The following PCDHGA8 variants were observed in gnomAD, a reference collection of about 807,000 sequenced individuals.
PCDHGA8 encodes protocadherin gamma subfamily A, 8.
In PCDHGA8, 45 loss-of-function variants were observed where a neutral mutation model predicts 59.2. The ratio of observed to expected loss-of-function variants is 0.76; its 90% CI spans 0.60 to 0.98. The LOEUF is 0.98. Ranked by LOEUF, PCDHGA8 falls within the 50% of genes least tolerant of loss-of-function variation. The pLI, the probability that PCDHGA8 is intolerant of heterozygous loss-of-function variation, is 0.00. For missense variants in PCDHGA8, 1,257 were observed against 1,196.2 expected, an observed-to-expected ratio of 1.05 and a Z score of -0.75; for synonymous variants, 531 against 519.0, an observed-to-expected ratio of 1.02 and a Z score of -0.32.
At chr5:141,442,049 C>A in intron 1 of PCDHGA8, 2 of 202,550 alleles carry the variant, frequency 9.9e-6, no homozygotes, top group South Asian at 1.3e-4. Flanking sequence ...GCCTACTGGT[C>A]GCGGTGCACT....
chr5:141,461,334 G>T (rs558562450), intron 1 of PCDHGA8, among the ~76,000 whole-genome samples: 75 of 152,166 alleles, frequency 4.9e-4, no homozygotes, highest in African/African-American at 1.7e-3. Flanking sequence ...GGCCATTCTT[G>T]CAGGACCAAG....
chr5:141,477,438 C>A lies in PCDHGA8; in HGVS notation c.2425-17369C>A, dbSNP rs1386997844. The A allele has an allele frequency of 3.1e-6, 5 of 1,614,174 alleles. No individual in the cohort carries two copies. The Admixed American group carries it at 6.7e-5, about 22-fold the overall frequency. On this transcript the variant is annotated intron_variant, in intron 1 of 3. Coordinates refer to ENST00000398604, the MANE Select transcript of PCDHGA8 (RefSeq NM_032088.2). The surrounding 1 kb of genome is among the most constrained non-coding windows in gnomAD (Gnocchi z 4.9). ...GGAACCCCTTCCCTCTCAGCCCTTA[C>A]AATAGTGCGTGTTCAAGTGTCCGAC...
Position 141,477,140 on chromosome 5 carries a change from G to GT in PCDHGA8, c.2425-17665dup. ...AGCACATTGCAAAGTGTTGGTGGAG[G>GT]TTGTGGATGTGAATGACAACGCCCC... On this transcript the variant is annotated intron_variant, in intron 1 of 3. Transcript: ENST00000398604. The surrounding 1 kb of genome is among the most constrained non-coding windows in gnomAD (Gnocchi z 4.9). 1 of 1,614,220 alleles carries GT rather than the reference G, an allele frequency of 6.2e-7. No homozygotes were observed. Among genetic ancestry groups the GT allele is most frequent in the Non-Finnish European group, 8.5e-7 (1 of 1,180,048 alleles).
chr5:141,481,502 T>G (rs1425241526), intron 1 of PCDHGA8, among the ~76,000 whole-genome samples: 1 of 152,232 alleles, frequency 6.6e-6, no homozygotes, highest in Non-Finnish European at 1.5e-5. Context: ...TTGCATGGTA[T>G]GTGAATTATG....
rs773232677 is a variant in PCDHGA8, at chr5:141,490,388, G to A, written c.2425-4419G>A. 2 of 1,614,206 alleles carry A rather than the reference G, an allele frequency of 1.2e-6. No homozygotes were observed. The highest frequency in any genetic ancestry group is 2.2e-5 in the East Asian group (1 of 44,878). The stretch of plus-strand genomic sequence containing the variant: ...CGAGACCGGGACTCAGGTAGAAATG[G>A]TGAAGTGAGCCTTGATATCTCTCCG... On this transcript the variant is annotated intron_variant, in intron 1 of 3. Transcript: ENST00000398604. The surrounding 1 kb of genome is among the most constrained non-coding windows in gnomAD (Gnocchi z 5.4).
At chr5:141,419,301 T>G in intron 1 of PCDHGA8, 6 of 1,613,998 alleles carry the variant, frequency 3.7e-6, no homozygotes, top group Non-Finnish European at 5.1e-6. Context: ...GACCCAGACT[T>G]CGGGCTCAAC....
At chr5:141,445,118 G>A (rs964726987) in intron 1 of PCDHGA8, among the ~76,000 whole-genome samples, 1 of 152,148 alleles carries the variant, frequency 6.6e-6, no homozygotes, top group Non-Finnish European at 1.5e-5. Flanking sequence ...ATTGTAAATA[G>A]TATTTTTAAA....
intron 3 of PCDHGA8, among the ~76,000 whole-genome samples, chr5:141,509,568 C>T (rs535982453): frequency 3.3e-5 from 5 of 152,336 alleles, no homozygotes; most frequent in Admixed American, 2.0e-4. Flanking sequence ...GCAGCCTTCA[C>T]AGTGCGTACA....
At chr5:141,427,397 T>C (rs944166415) in intron 1 of PCDHGA8, 2 of 460,626 alleles carry the variant, frequency 4.3e-6, no homozygotes, top group South Asian at 1.5e-5. Flanking sequence ...AAACACATGA[T>C]AAAGATTCGA....
intron 3 of PCDHGA8, among the ~76,000 whole-genome samples, chr5:141,509,801 T>C (rs556629445): frequency 2.6e-5 from 4 of 152,140 alleles, no homozygotes; most frequent in South Asian, 2.1e-4. Flanking sequence ...CTCAGCTTCA[T>C]AGAGCCGAGC....
At position 141,394,847 on chromosome 5, in the gene PCDHGA8, G is replaced by T; in HGVS notation, c.2034G>T (p.Leu678=). 6.2e-7 allele frequency: 1 copy of T among 1,613,848 alleles called. No homozygotes were observed. Among genetic ancestry groups the T allele is most frequent in the South Asian group, 1.1e-5 (1 of 91,086 alleles). The change falls in exon 1 of 4, where the codon CTG becomes CTT. Residue 678 remains leucine (L), a synonymous_variant. Transcript: ENST00000398604. The part of the protein sequence containing the change: ...IPEVLTELGS[L]KPSVDPNDSS... ...AAGTCCTGACCGAGTTGGGCAGTCT[G>T]AAGCCTTCGGTCGACCCGAACGATT...
intron 1 of PCDHGA8, among the ~76,000 whole-genome samples, chr5:141,437,781 A>G (rs957126405): frequency 7.3e-5 from 11 of 149,878 alleles, no homozygotes; most frequent in Admixed American, 6.7e-5. Flanking sequence ...ATCTGTCGCC[A>G]AGCTGGAGTG....
chr5:141,433,555 G>C (rs1434189062), intron 1 of PCDHGA8, among the ~76,000 whole-genome samples: 1 of 152,088 alleles, frequency 6.6e-6, no homozygotes, highest in African/African-American at 2.4e-5. Flanking sequence ...TTCTTTTCTG[G>C]CTGGGCGCGG....
chr5:141,447,648 T>A (rs1262852729), intron 1 of PCDHGA8, among the ~76,000 whole-genome samples: 3 of 152,164 alleles, frequency 2.0e-5, no homozygotes, highest in African/African-American at 4.8e-5. Flanking sequence ...ATGGTAGAAT[T>A]TTCCCCCCCA....
chr5:141,509,684 C>G (rs572295300), intron 3 of PCDHGA8, among the ~76,000 whole-genome samples: 139 of 152,310 alleles, frequency 9.1e-4, no homozygotes, highest in Admixed American at 3.7e-3. Flanking sequence ...TTCTTCTGTA[C>G]AGTGGGACGT....
chr5:141,410,598 C>T, intron 1 of PCDHGA8: 2 of 1,608,528 alleles, frequency 1.2e-6, no homozygotes, highest in Non-Finnish European at 1.7e-6. Context: ...GATTTGACTT[C>T]ACATCCTGAG....
rs148798222 is a variant in PCDHGA8, at chr5:141,432,106, G to A, written c.2424+36869G>A. On this transcript the variant is annotated intron_variant, in intron 1 of 3. Coordinates refer to ENST00000398604, the MANE Select transcript of PCDHGA8 (RefSeq NM_032088.2). This position sits in a 1 kb window ranked among gnomAD's most constrained non-coding sequence, Gnocchi z 6.0. The stretch of plus-strand genomic sequence containing the variant: ...ACGTGGCAGACACCAACGACAACCC[G>A]CCGGTCTTCCCTCAGGCCTCCTATT... 4 of 1,614,068 alleles carry A rather than the reference G, an allele frequency of 2.5e-6. No homozygotes were observed. Among genetic ancestry groups the A allele is most frequent in the Non-Finnish European group, 3.4e-6 (4 of 1,180,020 alleles).
intron 1 of PCDHGA8, chr5:141,424,500 G>A (rs2154550788): frequency 6.6e-6 from 1 of 152,208 alleles, no homozygotes; most frequent in African/African-American, 2.4e-5. Flanking sequence ...TGTATGTATG[G>A]AAGGTTTTTT....
At chr5:141,404,167 G>A (rs2094493296) in intron 1 of PCDHGA8, 1 of 1,612,946 alleles carries the variant, frequency 6.2e-7, no homozygotes, top group South Asian at 1.1e-5. Flanking sequence ...ACAGATTGTT[G>A]ACGGCCCAAA....
Sources: gnomAD v4.1 joint callset for allele counts (sites outside exome capture counted in the v4.1 genomes callset) on GRCh38, gnomAD v4.1.1 for gene constraint, Gnocchi (gnomAD v3.1) non-coding constraint, MANE v1.5 for transcripts, NCBI Gene and HGNC (gene_info 2026-07-23, HGNC 2026-07-21) for gene names.